The following HELLS variants were observed in gnomAD, a reference collection of about 807,000 sequenced individuals.
HELLS encodes the protein lymphoid-specific helicase.
A neutral mutation model predicts 120.0 loss-of-function variants in HELLS; 32 were observed. The observed-to-expected ratio is 0.27, with a 90% CI of 0.20 to 0.36. The LOEUF (loss-of-function observed/expected upper bound fraction) is 0.36, where lower values mean the gene tolerates loss of function less well. HELLS is among the 10% of genes least tolerant of loss of function. HELLS has a pLI of 1.00. For synonymous variants in HELLS, 341 were observed against 323.4 expected, an observed-to-expected ratio of 1.05 and a Z score of -0.58; for missense variants, 650 against 993.4, an observed-to-expected ratio of 0.65 and a Z score of 4.65.
At chr10:94,595,343 G>A (rs1308380912) in intron 19 of HELLS, among the ~76,000 whole-genome samples, 4 of 152,164 alleles carry the variant, frequency 2.6e-5, no homozygotes, top group African/African-American at 9.7e-5. Flanking sequence ...TAGCGAGTAT[G>A]TAGATATGTA....
Position 94,576,043 on chromosome 10 carries a change from C to T in HELLS, c.889-619C>T, listed in dbSNP as rs554181067. 3.7e-3 allele frequency among the ~76,000 whole-genome samples: 560 copies of T among 152,158 alleles called. 3 individuals are homozygous for T. Among genetic ancestry groups the T allele is most frequent in the Non-Finnish European group, 6.6e-3 (446 of 67,996 alleles). On this transcript the variant is annotated intron_variant, in intron 9 of 21. Transcript: ENST00000348459. ...AACTCCCGACCTCAGGTGGTCTGCC[C>T]GCCTCAGCTTCCCAAAGTGCTGGGG...
chr10:94,588,948 A>G (rs1207180641), intron 13 of HELLS, among the ~76,000 whole-genome samples: 1 of 152,114 alleles, frequency 6.6e-6, no homozygotes, highest in East Asian at 1.9e-4. Flanking sequence ...GGAATTTGAG[A>G]CCAGTCTGAC....
At chr10:94,581,730 T>G (rs1034749035) in intron 11 of HELLS, among the ~76,000 whole-genome samples, 1 of 152,226 alleles carries the variant, frequency 6.6e-6, no homozygotes, top group Non-Finnish European at 1.5e-5. Context: ...AAAGGAAGAC[T>G]GCTGAATGCA....
chr10:94,549,259 C>T (rs1043397247), intron 2 of HELLS, among the ~76,000 whole-genome samples: 1 of 152,050 alleles, frequency 6.6e-6, no homozygotes, highest in Non-Finnish European at 1.5e-5. Context: ...GTAGAGATTC[C>T]TTTTCTTTTG....
chr10:94,560,451 T>C (rs569256995), intron 4 of HELLS, among the ~76,000 whole-genome samples: 2 of 152,138 alleles, frequency 1.3e-5, no homozygotes, highest in South Asian at 4.2e-4. Context: ...TCCCAACACT[T>C]TGGGAGGCTG....
chr10:94,581,376 T>A lies in HELLS; in HGVS notation c.1083T>A (p.Asn361Lys). 6.2e-7 allele frequency: 1 copy of A among 1,611,308 alleles called. No homozygotes were observed. The highest frequency in any genetic ancestry group is 1.7e-5 in the Admixed American group (1 of 59,570). Residue 361 changes from asparagine (N) to lysine (K), a missense_variant, in exon 11 of 22, where the codon AAT becomes AAA. Asn to Lys is a moderately conservative substitution (Grantham distance 94). Coordinates refer to ENST00000348459, the MANE Select transcript of HELLS (RefSeq NM_018063.5). ...TAGATGAAGGACACAGGATTAAGAATATGAAGTGCCGTCTAATCAGGGAGT... is the reference window on the plus strand; with the variant it reads ...TAGATGAAGGACACAGGATTAAGAAAATGAAGTGCCGTCTAATCAGGGAGT... ...LIVDEGHRIK[N>K]MKCRLIRELK...
exon 10 of HELLS, chr10:94,610,219 A>G (rs1335323870): frequency 6.6e-6 from 1 of 152,148 alleles, no homozygotes; most frequent in Non-Finnish European, 1.5e-5. Context: ...ATATAACAGC[A>G]TGTTGGAAAC....
chr10:94,586,282 G>A (rs1469468246), intron 12 of HELLS, among the ~76,000 whole-genome samples: 1 of 151,998 alleles, frequency 6.6e-6, no homozygotes, highest in Non-Finnish European at 1.5e-5. Context: ...CACTACGCCT[G>A]GCTAATTTTT....
intron 12 of HELLS, among the ~76,000 whole-genome samples, chr10:94,587,948 C>T (rs916379670): frequency 1.3e-5 from 2 of 152,154 alleles, no homozygotes; most frequent in African/African-American, 4.8e-5. Flanking sequence ...AACTTCAACC[C>T]TAAGAAATAC....
rs1292680537 is a variant in HELLS, at chr10:94,574,751, C to T, written c.888+15C>T. The T allele has an allele frequency of 6.3e-7, 1 of 1,585,298 alleles. No homozygotes were observed. Among genetic ancestry groups the T allele is most frequent in the East Asian group, 2.2e-5 (1 of 44,680 alleles). ...TTACACCAGATGTAAGACATGCTTC[C>T]TTATGTTAAAATTATAATTTTACAT... On this transcript the variant is annotated intron_variant, in intron 9 of 21. Coordinates refer to ENST00000348459, the MANE Select transcript of HELLS (RefSeq NM_018063.5).
At chr10:94,578,654 G>A (rs1360953003) in intron 10 of HELLS, among the ~76,000 whole-genome samples, 1 of 152,144 alleles carries the variant, frequency 6.6e-6, no homozygotes, top group Non-Finnish European at 1.5e-5. Context: ...AGATCATGCC[G>A]CTTGGTTGGC....
intron 4 of HELLS, among the ~76,000 whole-genome samples, chr10:94,560,124 C>T (rs371434843): frequency 3.0e-4 from 45 of 152,202 alleles, no homozygotes; most frequent in African/African-American, 1.0e-3. Context: ...CCTCTGTCTC[C>T]TGGGTTGAAG....
At position 94,580,117 on chromosome 10, in the gene HELLS, GTATATATATATATATATATATATATA is replaced by G. The variant is rs58984411; in HGVS notation, c.1033-1188_1033-1163del. On this transcript the variant is annotated intron_variant, in intron 10 of 21. Transcript: ENST00000348459. ...TTTCTCTCACATACCCATTATAAAA[GTATATATATATATATATATATATATA>G]TATATATATATATATATATACACAC... 1.3e-3 allele frequency among the ~76,000 whole-genome samples: 87 copies of G among 65,500 alleles called. 1 individual carries two copies. In the East Asian group the frequency reaches 0.02, roughly 15 times the overall value. The allele number at this position is 65,500 out of a possible 152,430, so 43.0% of individuals were successfully genotyped here.
At chr10:94,575,043 G>C (rs2134055735) in intron 9 of HELLS, among the ~76,000 whole-genome samples, 1 of 150,576 alleles carries the variant, frequency 6.6e-6, no homozygotes, top group African/African-American at 2.4e-5. Flanking sequence ...CTTGATCTTT[G>C]CCAAAAGGCT....
chr10:94,546,205 T>G (rs143190571), intron 1 of HELLS, among the ~76,000 whole-genome samples, 172 bp from the exon 2 acceptor site: 7 of 152,152 alleles, frequency 4.6e-5, no homozygotes, highest in African/African-American at 1.4e-4. Flanking sequence ...TCCAGGCGAC[T>G]TGTAGACATT....
chr10:94,600,537 G>A (rs1564621247), intron 21 of HELLS, among the ~76,000 whole-genome samples: 1 of 152,086 alleles, frequency 6.6e-6, no homozygotes, highest in Non-Finnish European at 1.5e-5. Flanking sequence ...TTCACGAAAA[G>A]CTAATAAATG....
At chr10:94,586,473 G>C (rs990967443) in intron 12 of HELLS, among the ~76,000 whole-genome samples, 2 of 152,076 alleles carry the variant, frequency 1.3e-5, no homozygotes, top group African/African-American at 4.8e-5. Flanking sequence ...CTGATTGCCT[G>C]TCGGCATATT....
At chr10:94,602,305 T>C (rs1846068809), downstream of HELLS, among the ~76,000 whole-genome samples, 1 of 152,158 alleles carries the variant, frequency 6.6e-6, no homozygotes, top group African/African-American at 2.4e-5. Context: ...GACTAGAAAT[T>C]GGAAATGGTA....
chr10:94,565,900 A>ATT (rs34468351), intron 6 of HELLS, among the ~76,000 whole-genome samples: 37 of 148,204 alleles, frequency 2.5e-4, no homozygotes, highest in Middle Eastern at 3.5e-3. Flanking sequence ...ATGAAATTGA[A>ATT]TTTTTTTTTT....
Sources: allele counts gnomAD v4.1 joint callset (sites outside exome capture counted in the v4.1 genomes callset), GRCh38; gene constraint gnomAD v4.1.1; transcripts MANE v1.5; gene names NCBI Gene and HGNC (gene_info 2026-07-23, HGNC 2026-07-21).